Variants in PLA2G4F observed in about 807,000 individuals in gnomAD.
PLA2G4F encodes phospholipase A2 group IVF, also known as cytosolic phospholipase A2 zeta.
Under a neutral mutation model 103.1 loss-of-function variants are expected in PLA2G4F, and 105 were observed. The observed-to-expected ratio is 1.02, with a 90% confidence interval of 0.87 to 1.20. The LOEUF is 1.20. Ranked by LOEUF, PLA2G4F falls within the 50% of genes most tolerant of loss-of-function variation. The pLI is 0.00. For synonymous variants in PLA2G4F, 468 were observed against 441.1 expected, an observed-to-expected ratio of 1.06 and a Z score of -0.76; for missense variants, 1,155 against 1,075.9, an observed-to-expected ratio of 1.07 and a Z score of -1.03.
At chr15:42,144,345 G>GT (rs1758520714) in intron 17 of PLA2G4F, 105 bp downstream of exon 17, 1 of 1,488,202 alleles carries the variant, frequency 6.7e-7, no homozygotes, top group Admixed American at 1.8e-5. Flanking sequence ...TAGGCAGCAG[G>GT]AGACCACACC....
intron 7 of PLA2G4F, 120 bp from the exon 8 acceptor site, chr15:42,150,897 T>G (rs772454087): frequency 9.5e-5 from 140 of 1,478,454 alleles, no homozygotes; most frequent in Middle Eastern, 7.4e-4. Context: ...AAATGCCAGC[T>G]CTTATCGCCC....
At position 42,142,616 on chromosome 15, in the gene PLA2G4F, A is replaced by G; in HGVS notation, c.2241T>C (p.Tyr747=). The G allele has an allele frequency of 6.2e-7, 1 of 1,614,038 alleles. No homozygotes were observed. Among genetic ancestry groups the G allele is most frequent in the Non-Finnish European group, 8.5e-7 (1 of 1,179,996 alleles). Residue 747 remains tyrosine, a synonymous_variant, in exon 19 of 20, where the codon TAT becomes TAC. Transcript: ENST00000397272. ...PEDMEEAREC[Y]LFAKAEDPRS... is the part of the protein sequence containing the mutation. ...GGGGGTCCTCAGCCTTGGCAAACAG[A>G]TAGCACTCACGGGCCTCCTCCATGT...
intron 11 of PLA2G4F, chr15:42,148,991 C>G: frequency 5.1e-6 from 5 of 985,360 alleles, no homozygotes; most frequent in Non-Finnish European, 4.8e-6. Flanking sequence ...CTCCTGAGGA[C>G]TCAGGCAGCC....
In PLA2G4F at chr15:42,142,038, G is replaced by A. The variant is rs761071213; in HGVS notation, c.2496C>T (p.Cys832=). 29 of 1,613,998 alleles carry A rather than the reference G, an allele frequency of 1.8e-5. No individual in the cohort carries two copies. Among genetic ancestry groups the A allele is most frequent in the Middle Eastern group, 1.7e-4 (1 of 6,038 alleles). ...GCCGGTCCAGAGCCAGCTGGAGGGC[G>A]CACTTCAAGGTCTCCACGTTGTTCA... ...NVLNNVETLK[C]ALQLALDRHQ... is the part of the protein sequence containing the mutation. The change falls in exon 20 of 20, where the codon TGC becomes TGT. Residue 832 remains cysteine, a synonymous_variant. Transcript: ENST00000397272.
In PLA2G4F at chr15:42,150,553, G is replaced by A. The variant is rs369142775; in HGVS notation, c.771+55C>T. The A allele has an allele frequency of 4.4e-6, 7 of 1,596,156 alleles. No individual in the cohort carries two copies. The African/African-American group carries it at 6.7e-5, about 15-fold the overall frequency. On this transcript the variant is annotated intron_variant, in intron 8 of 19. Transcript: ENST00000397272. ...GAAAAGTCTCCCCCAACGTGGCCCT[G>A]GAACGCCAGTCTGGGCTGAGTTGGA... is the stretch of plus-strand genomic sequence containing the variant.
rs145353195 is a variant in PLA2G4F, at chr15:42,151,105, A to C, written c.602-328T>G. The C allele has an allele frequency of 6.6e-5, 65 of 985,176 alleles. No individual in the cohort carries two copies. The African/African-American group carries it at 1.1e-3, about 16-fold the overall frequency. 61.0% of individuals were successfully genotyped at this position (985,176 alleles called of 1,614,324 possible). A position where few individuals can be genotyped will look rare whatever the true frequency, so the allele number is the denominator to read the frequency against. On this transcript the variant is annotated intron_variant, in intron 7 of 19. Transcript: ENST00000397272. ...GATTTGAGATGATTCTATGTTTATC[A>C]TAAGAATGAGCAGTTTTCAGGCAGT... is the stretch of plus-strand genomic sequence containing the variant.
chr15:42,146,839 G>T, intron 13 of PLA2G4F: 1 of 378,902 alleles, frequency 2.6e-6, no homozygotes, highest in East Asian at 5.0e-5. Flanking sequence ...ACTCTCTCTG[G>T]AAGGGGGGCC....
intron 18 of PLA2G4F, 54 bp from the exon 19 acceptor site, chr15:42,142,768 C>CG: frequency 4.4e-6 from 7 of 1,578,684 alleles, no homozygotes; most frequent in Non-Finnish European, 6.1e-6. Context: ...GCCACTCCCG[C>CG]CGCCCTGGAC....
rs1380529136 is a variant in PLA2G4F, at chr15:42,140,262, G to C, written c.*1722C>G. Reference sequence around the variant, plus strand: ...TGAGGATACAGCAGTGAACAAAACAGATGGTAGAATGACTTTCTAGGAGCC... The same window carrying C: ...TGAGGATACAGCAGTGAACAAAACACATGGTAGAATGACTTTCTAGGAGCC... On this transcript the variant is annotated 3_prime_UTR_variant, in exon 20 of 20. Transcript: ENST00000397272. 6.6e-6 allele frequency: 1 copy of C among 152,238 alleles called. No homozygotes were observed. Among genetic ancestry groups the C allele is most frequent in the Non-Finnish European group, 1.5e-5 (1 of 68,050 alleles). The allele number at this position is 152,238 out of a possible 1,614,324, so 9.4% of individuals were successfully genotyped here. A position where few individuals can be genotyped will look rare whatever the true frequency, so the allele number is the denominator to read the frequency against.
At chr15:42,146,618 G>A (rs776268950) in intron 13 of PLA2G4F, 1 of 246,124 alleles carries the variant, frequency 4.1e-6, no homozygotes, top group Non-Finnish European at 8.0e-6. Context: ...AATCACTTGT[G>A]ATATCCACCC....
intron 18 of PLA2G4F, 75 bp downstream of exon 18, chr15:42,143,903 T>C (rs1758845848): frequency 6.7e-7 from 1 of 1,487,446 alleles, no homozygotes; most frequent in South Asian, 1.3e-5. Context: ...AGAGCCTTCT[T>C]TCCCCTCCTC....
At position 42,156,195 on chromosome 15, in the gene PLA2G4F, G is replaced by A. The variant is rs572876073; in HGVS notation, c.111+244C>T. ...CCGTGGACTCTACAGCCAGGCTCGC[G>A]CATCCTTGGTGAAAGCCAACCCACC... On this transcript the variant is annotated intron_variant, in intron 1 of 19. Transcript: ENST00000397272. 1.7e-3 allele frequency among the ~76,000 whole-genome samples: 260 copies of A among 152,262 alleles called. 2 individuals are homozygous for A. The highest frequency in any genetic ancestry group is 6.9e-3 in the Admixed American group (105 of 15,302).
At chr15:42,154,526 C>T in intron 2 of PLA2G4F, 68 bp from the exon 3 acceptor site, 5 of 1,469,944 alleles carry the variant, frequency 3.4e-6, no homozygotes, top group Non-Finnish European at 4.5e-6. Flanking sequence ...CTTGGGGAGG[C>T]TAGGGCAGAA....
intron 18 of PLA2G4F, among the ~76,000 whole-genome samples, chr15:42,143,480 G>A (rs1174493883): frequency 6.6e-6 from 1 of 152,162 alleles, no homozygotes; most frequent in Non-Finnish European, 1.5e-5. Context: ...ACCAAAGGAA[G>A]GGCTGCTCCA....
In PLA2G4F at chr15:42,146,087, A is replaced by G. The variant is rs114152163; in HGVS notation, c.1534+40T>C. 10,310 of 1,604,322 alleles carry G rather than the reference A, an allele frequency of 6.4e-3. 549 individuals carry two copies. In the African/African-American group the frequency reaches 0.12, roughly 19 times the overall value. ...CCTGGCCTCTCACCTCCTCCTCCCC[A>G]CCTCCTCTACCTCCTTCCTTCGTCT... On this transcript the variant is annotated intron_variant, in intron 14 of 19. Coordinates refer to ENST00000397272, the MANE Select transcript of PLA2G4F (RefSeq NM_213600.4).
intron 11 of PLA2G4F, chr15:42,148,607 A>G (rs80260937): frequency 0.04 from 39,053 of 983,844 alleles, 874 homozygotes; most frequent in Non-Finnish European, 0.044. Flanking sequence ...GAGGAACTAA[A>G]TTGTCCCCCG....
Position 42,141,326 on chromosome 15 carries a change from C to G in PLA2G4F, c.*658G>C, listed in dbSNP as rs1293157393. 6.6e-6 allele frequency: 3 copies of G among 456,680 alleles called. No individual in the cohort carries two copies. The highest frequency in any genetic ancestry group is 3.3e-4 in the Middle Eastern group (1 of 3,076). The allele number at this position is 456,680 out of a possible 1,614,324, so 28.3% of individuals were successfully genotyped here. A position where few individuals can be genotyped will look rare whatever the true frequency, so the allele number is the denominator to read the frequency against. On this transcript the variant is annotated 3_prime_UTR_variant, in exon 20 of 20. Transcript: ENST00000397272. ...CAGGGAGACACGCGCACATCTCCCA[C>G]CTGGAGCAGCCAGAATGGGACATCA...
In PLA2G4F at chr15:42,150,765, A is replaced by T; in HGVS notation, c.614T>A (p.Leu205His). 3 of 1,607,326 alleles carry T rather than the reference A, an allele frequency of 1.9e-6. No homozygotes were observed. Among genetic ancestry groups the T allele is most frequent in the Non-Finnish European group, 2.5e-6 (3 of 1,177,900 alleles). Residue 205 changes from leucine to histidine, a missense_variant, in exon 8 of 20, where the codon CTC becomes CAC. By Grantham distance (99) the Leu-to-His change is moderately conservative. This residue lies in a region of PLA2G4F where 370 missense variants were observed against 364.9 expected (regional missense o/e 1.01). Coordinates refer to ENST00000397272, the MANE Select transcript of PLA2G4F (RefSeq NM_213600.4). ...GTAGGCTCCAGGCACTGCCAGCTGG[A>T]GCTGCCTAGAGCCTGAGAGCAGAGG... ...APREEYGSRQ[L>H]QLAVPGAYEK...
In PLA2G4F at chr15:42,147,183, G is replaced by A. The variant is rs769645249; in HGVS notation, c.1360C>T (p.His454Tyr). 27 of 1,612,770 alleles carry A rather than the reference G, an allele frequency of 1.7e-5. No individual in the cohort carries two copies. Among genetic ancestry groups the A allele is most frequent in the African/African-American group, 2.7e-5 (2 of 74,856 alleles). ...QELGVRERSG[H>Y]SVSLIDLWGL... Reference sequence around the variant, plus strand: ...CAGAGGTCGATGAGGGACACGCTGTGGCCACTGCGCTCCCGGACCCCCAGT... The same window carrying A: ...CAGAGGTCGATGAGGGACACGCTGTAGCCACTGCGCTCCCGGACCCCCAGT... The change falls in exon 13 of 20, where the codon CAC (histidine) becomes TAC (tyrosine). Residue 454 changes from histidine (H) to tyrosine (Y), a missense_variant. By Grantham distance (83) the His-to-Tyr change is moderately conservative. Coordinates refer to ENST00000397272, the MANE Select transcript of PLA2G4F (RefSeq NM_213600.4).
Sources: allele counts gnomAD v4.1 joint callset (sites outside exome capture counted in the v4.1 genomes callset), GRCh38; gene constraint gnomAD v4.1.1; regional missense constraint gnomAD v4.1.1; transcripts MANE v1.5; gene names NCBI Gene and HGNC (gene_info 2026-07-23, HGNC 2026-07-21).